The following POT1 variants were observed in gnomAD, a reference collection of about 807,000 sequenced individuals.
The protein encoded by POT1 is protection of telomeres protein 1.
In POT1, 47 loss-of-function variants were observed where a neutral mutation model predicts 78.5. That is an observed-to-expected ratio of 0.60 (90% CI 0.47 to 0.76). The LOEUF (loss-of-function observed/expected upper bound fraction) is 0.76. Ranked by LOEUF, POT1 falls within the 30% of genes least tolerant of loss-of-function variation. The pLI, the probability that POT1 is intolerant of heterozygous loss-of-function variation, is 0.00. For synonymous variants in POT1, 259 were observed against 260.7 expected, an observed-to-expected ratio of 0.99 and a Z score of 0.06; for missense variants, 646 against 749.9, an observed-to-expected ratio of 0.86 and a Z score of 1.62.
At chr7:124,837,063 A>G (rs1228584322) in intron 14 of POT1, 1 of 159,514 alleles carries the variant, frequency 6.3e-6, no homozygotes, top group Non-Finnish European at 1.4e-5. Context: ...CAATCAGTAG[A>G]AATATTTAAC....
chr7:124,841,407 A>G (rs1418010497), intron 13 of POT1, among the ~76,000 whole-genome samples: 1 of 151,990 alleles, frequency 6.6e-6, no homozygotes, highest in African/African-American at 2.4e-5. Context: ...AATCATATTT[A>G]CATTAACTAC....
Position 124,846,942 on chromosome 7 carries a change from T to C in POT1, c.1006A>G (p.Ile336Val). 6.3e-7 allele frequency: 1 copy of C among 1,590,896 alleles called. No homozygotes were observed. ...TCTCAAAAATGATACATAGTCTTAC[T>C]TGTAGCAGATAGCTGTTGACATCTT... ...VERCQQLSAT[I>V]LTDHQYLERT... Residue 336 changes from isoleucine to valine, a missense_variant and splice_region_variant, in exon 12 of 19, where the codon ATA becomes GTA. Around this residue, in one of 2 missense-constraint regions of POT1, gnomAD observed 394 missense variants for 408.4 expected, o/e 0.96. Coordinates refer to ENST00000357628, the MANE Select transcript of POT1 (RefSeq NM_015450.3).
chr7:124,922,891 A>G (rs1554442025), intron 2 of POT1, among the ~76,000 whole-genome samples: 1 of 151,972 alleles, frequency 6.6e-6, no homozygotes, highest in Non-Finnish European at 1.5e-5. Context: ...ATACCAAACC[A>G]TAAGTAAGTT....
At position 124,827,558 on chromosome 7, in the gene POT1, G is replaced by A. The variant is rs375860824; in HGVS notation, c.1595-253C>T. Among the ~76,000 whole-genome samples the A allele has an allele frequency of 3.3e-5, 5 of 152,272 alleles. No homozygotes were observed. The East Asian group carries it at 5.8e-4, about 18-fold the overall frequency. On this transcript the variant is annotated intron_variant, in intron 16 of 18. Coordinates refer to ENST00000357628, the MANE Select transcript of POT1 (RefSeq NM_015450.3). ...AACCCCTATGCATTTGGTCACATAA[G>A]TCTTCTGCGCTGATTGCTGTGGTGG...
rs539321499 is a variant in POT1, at chr7:124,842,893, T to C, written c.1077A>G (p.Gln359=). ...CAILKQKAPQ[Q]YRIRAKLRSY... ...ACCTCAATTTTGCTCGGATGCGGTA[T>C]TGTTGAGGAGCTTTTTGTTTCAAAA... Residue 359 remains glutamine (Q), a synonymous_variant, in exon 13 of 19, where the codon CAA becomes CAG. Transcript: ENST00000357628. 9.4e-5 allele frequency: 151 copies of C among 1,610,092 alleles called. 3 individuals are homozygous for C. In the East Asian group the frequency reaches 3.2e-3, roughly 34 times the overall value.
At chr7:124,873,321 T>A (rs1795914391) in intron 6 of POT1, among the ~76,000 whole-genome samples, 1 of 152,172 alleles carries the variant, frequency 6.6e-6, no homozygotes, top group African/African-American at 2.4e-5. Context: ...TTGATACAGA[T>A]CTTAGAGAAA....
Position 124,928,824 on chromosome 7 carries a change from T to C in POT1, c.-236A>G, listed in dbSNP as rs1357201018. ...TTATAGAAATTCTTACCTGAATATA[T>C]TTCTTGCTATAATTGTAACCTGGCT... On this transcript the variant is annotated 5_prime_UTR_variant, in exon 2 of 19. Coordinates refer to ENST00000357628, the MANE Select transcript of POT1 (RefSeq NM_015450.3). The C allele has an allele frequency of 6.6e-6, 1 of 152,646 alleles. No homozygotes were observed. The highest frequency in any genetic ancestry group is 2.4e-5 in the African/African-American group (1 of 41,454). The allele number at this position is 152,646 out of a possible 1,614,324, so 9.5% of individuals were successfully genotyped here.
chr7:124,834,052 C>T (rs1451061398), intron 15 of POT1, among the ~76,000 whole-genome samples: 1 of 152,052 alleles, frequency 6.6e-6, no homozygotes, highest in East Asian at 1.9e-4. Context: ...ACTGGCTAGC[C>T]ATATGCAGAA....
At chr7:124,898,462 T>C (rs1290304671) in intron 3 of POT1, 88 bp from the exon 4 acceptor site, 1 of 152,002 alleles carries the variant, frequency 6.6e-6, no homozygotes, top group Non-Finnish European at 1.5e-5. Flanking sequence ...TATTATTATG[T>C]TTAGAATAAA....
chr7:124,920,899 C>CT (rs1797132974), intron 2 of POT1, among the ~76,000 whole-genome samples: 1 of 151,768 alleles, frequency 6.6e-6, no homozygotes, highest in South Asian at 2.1e-4. Flanking sequence ...TGAGACCAGC[C>CT]TGGGCAACAC....
intron 8 of POT1, among the ~76,000 whole-genome samples, chr7:124,860,432 C>T (rs1470230024): frequency 2.0e-5 from 3 of 151,926 alleles, no homozygotes; most frequent in Non-Finnish European, 2.9e-5. Flanking sequence ...TCTAATTTTT[C>T]TACTGTATTC....
chr7:124,832,841 GGGTCCTTAA>G (rs1794802062), intron 15 of POT1, among the ~76,000 whole-genome samples: 2 of 151,696 alleles, frequency 1.3e-5, no homozygotes, highest in Admixed American at 6.6e-5. Context: ...AAAAAAAATG[GGGTCCTTAA>G]GGTAATTTTT....
intron 6 of POT1, among the ~76,000 whole-genome samples, chr7:124,889,580 T>C (rs1796319883): frequency 6.6e-6 from 1 of 152,036 alleles, no homozygotes; most frequent in South Asian, 2.1e-4. Flanking sequence ...GAGAAGTCAA[T>C]GCCTGCCTTC....
chr7:124,849,283 T>C (rs965690205), intron 11 of POT1, among the ~76,000 whole-genome samples: 1 of 152,080 alleles, frequency 6.6e-6, no homozygotes, highest in Admixed American at 6.6e-5. Context: ...GTGTAAAACA[T>C]ACATGGTTGC....
chr7:124,873,037 A>G (rs1795908027), intron 6 of POT1, among the ~76,000 whole-genome samples: 1 of 152,056 alleles, frequency 6.6e-6, no homozygotes, highest in Non-Finnish European at 1.5e-5. Context: ...TTGTTTTCTA[A>G]CCATCTAGTT....
At chr7:124,879,316 A>G (rs1796061799) in intron 6 of POT1, among the ~76,000 whole-genome samples, 1 of 152,192 alleles carries the variant, frequency 6.6e-6, no homozygotes, top group African/African-American at 2.4e-5. Context: ...ATTGCAAGGT[A>G]GAAGCTGAAA....
rs549136504 is a variant in POT1, at chr7:124,858,836, A to C, written c.702+121T>G. 14 of 564,290 alleles carry C rather than the reference A, an allele frequency of 2.5e-5. No homozygotes were observed. The South Asian group carries it at 7.7e-4, about 31-fold the overall frequency. 35.0% of individuals were successfully genotyped at this position (564,290 alleles called of 1,614,324 possible). ...ATTTTACAACTTAAAAATCAAAGAA[A>C]TAAATATAATTTCTAGACTGTATCA... On this transcript the variant is annotated intron_variant, in intron 9 of 18. Transcript: ENST00000357628.
At chr7:124,828,997 T>C (rs1794696601) in intron 16 of POT1, 1 of 680,680 alleles carries the variant, frequency 1.5e-6, no homozygotes, top group Non-Finnish European at 2.7e-6. Context: ...ACTGGTAAAG[T>C]GGAATGCTTA....
rs140769533 is a variant in POT1 at position 124,870,693 on chromosome 7, T to C, written c.255+218A>G. 5.1e-3 allele frequency among the ~76,000 whole-genome samples: 781 copies of C among 152,270 alleles called. 9 individuals are homozygous for C. The highest frequency in any genetic ancestry group is 0.017 in the African/African-American group (712 of 41,584). On this transcript the variant is annotated intron_variant, in intron 7 of 18. Transcript: ENST00000357628. ...AACCAGTTTTAATCATGGCATGTAATACATTTCTGGGGAATGAAAGCAGTG... is the reference window on the plus strand; with the variant it reads ...AACCAGTTTTAATCATGGCATGTAACACATTTCTGGGGAATGAAAGCAGTG...
Sources: gnomAD v4.1 joint callset for allele counts (sites outside exome capture counted in the v4.1 genomes callset) on GRCh38, gnomAD v4.1.1 for gene constraint, gnomAD v4.1.1 regional missense constraint, MANE v1.5 for transcripts, NCBI Gene and HGNC (gene_info 2026-07-23, HGNC 2026-07-21) for gene names.